Variants in ADAMTS14 observed in about 807,000 individuals in gnomAD.
ADAMTS14 encodes A disintegrin and metalloproteinase with thrombospondin motifs 14.
ADAMTS14 carries 100 observed loss-of-function variants against 128.6 expected under a neutral mutation model. The observed-to-expected ratio is 0.78, with a 90% CI of 0.66 to 0.92. The LOEUF (loss-of-function observed/expected upper bound fraction) is 0.92, where lower values mean the gene tolerates loss of function less well. ADAMTS14 is among the 40% of genes least tolerant of loss of function. The pLI, the probability that ADAMTS14 is intolerant of heterozygous loss-of-function variation, is 0.00. For missense variants in ADAMTS14, 1,562 were observed against 1,658.6 expected (o/e 0.94, Z 1.01); for synonymous variants, 665 against 653.8 (o/e 1.02, Z -0.26).
intron 19 of ADAMTS14, among the ~76,000 whole-genome samples, chr10:70,755,827 C>T (rs1347897722): frequency 2.0e-5 from 3 of 151,986 alleles, no homozygotes; most frequent in Admixed American, 6.6e-5. Flanking sequence ...CCAGCCTGGG[C>T]GACAAGAGCG....
chr10:70,754,082 G>A lies in ADAMTS14; in HGVS notation c.2937+75G>A, dbSNP rs555531823. The A allele has an allele frequency of 6.6e-6, 9 of 1,362,362 alleles. No individual in the cohort carries two copies. In the South Asian group the frequency reaches 1.0e-4, roughly 15 times the overall value. The allele number at this position is 1,362,362 out of a possible 1,614,324, so 84.4% of individuals were successfully genotyped here. A position where few individuals can be genotyped will look rare whatever the true frequency, so the allele number is the denominator to read the frequency against. On this transcript the variant is annotated intron_variant, in intron 19 of 21. Transcript: ENST00000373207. ...AGGGATTTTTTTGGTGTTCCCTGCA[G>A]GCAAGAGAGTTTCTGCCTGAATGGC...
Position 70,758,039 on chromosome 10 carries a change from C to A in ADAMTS14, c.3015C>A (p.Cys1005Ter), listed in dbSNP as rs750110829. 6.2e-7 allele frequency: 1 copy of A among 1,613,540 alleles called. No homozygotes were observed. The stretch of plus-strand genomic sequence containing the variant: ...CCAACGCCAACAGCCTCGGGCATTG[C>A]GAGGGGGATAGGCCAGACACTGTCC... The part of the protein sequence containing the change: ...CRTNANSLGH[C>*]EGDRPDTVQV... The change falls in exon 20 of 22, where the codon TGC becomes TGA. Residue 1005 changes from cysteine to a stop codon, truncating the protein, a stop_gained. Transcript: ENST00000373207. LOFTEE classifies it high-confidence loss of function.
At chr10:70,733,718 A>G (rs1487681347) in intron 7 of ADAMTS14, among the ~76,000 whole-genome samples, 167 bp from the exon 8 acceptor site, 1 of 152,172 alleles carries the variant, frequency 6.6e-6, no homozygotes, top group African/African-American at 2.4e-5. Flanking sequence ...GCAGCCTTGG[A>G]GAGAAGATTG....
rs1361655943 is a variant in ADAMTS14 at position 70,672,608 on chromosome 10, G to A, written c.-195G>A. ...CGGCAGCCTCGCGCGCCCGGAGCCA[G>A]CGGTCCAGGCGGCGGCGCCGCGCAG... On this transcript the variant is annotated 5_prime_UTR_variant, in exon 1 of 22. Transcript: ENST00000373207. Among the ~76,000 whole-genome samples, 2 of 151,714 alleles carry A rather than the reference G, an allele frequency of 1.3e-5. No individual in the cohort carries two copies. Among genetic ancestry groups the A allele is most frequent in the Non-Finnish European group, 2.9e-5 (2 of 67,872 alleles).
chr10:70,707,584 G>T (rs557945824), intron 3 of ADAMTS14, among the ~76,000 whole-genome samples: 1 of 152,168 alleles, frequency 6.6e-6, no homozygotes, highest in Non-Finnish European at 1.5e-5. Context: ...GACTGACAGC[G>T]CTCAAGTTGT....
At position 70,746,672 on chromosome 10, in the gene ADAMTS14, G is replaced by A. The variant is rs146762027; in HGVS notation, c.2263+1366G>A. On this transcript the variant is annotated intron_variant, in intron 15 of 21. Transcript: ENST00000373207. ...AAATAAAAAATAAACAATCAGCTAG[G>A]CGTGGTGGTGCATGCCTGTAGTCCT... 4.4e-3 allele frequency among the ~76,000 whole-genome samples: 674 copies of A among 152,340 alleles called. 1 individual carries two copies. The highest frequency in any genetic ancestry group is 0.013 in the African/African-American group (553 of 41,582).
At chr10:70,699,988 G>A (rs367838101) in intron 2 of ADAMTS14, among the ~76,000 whole-genome samples, 24 of 152,050 alleles carry the variant, frequency 1.6e-4, no homozygotes, top group African/African-American at 5.5e-4. Context: ...CTTGTTCCAG[G>A]GGCAGGAACA....
intron 2 of ADAMTS14, among the ~76,000 whole-genome samples, chr10:70,697,785 T>C (rs1840376480): frequency 1.4e-5 from 2 of 144,198 alleles, no homozygotes; most frequent in Admixed American, 1.4e-4. Flanking sequence ...TGAGGGGCTT[T>C]CCCTGAGGGG....
intron 2 of ADAMTS14, among the ~76,000 whole-genome samples, chr10:70,699,658 C>A (rs1470822972): frequency 1.3e-5 from 2 of 152,288 alleles, no homozygotes; most frequent in South Asian, 2.1e-4. Flanking sequence ...AAACTGTATC[C>A]CTCATATGAG....
chr10:70,744,013 G>A, intron 13 of ADAMTS14, 53 bp from the exon 14 acceptor site: 1 of 1,538,908 alleles, frequency 6.5e-7, no homozygotes. Context: ...GAGCCCCGGG[G>A]TGGCGGTGGG....
In ADAMTS14 at chr10:70,753,814, A is replaced by G. The variant is rs1329526343; in HGVS notation, c.2744A>G (p.Glu915Gly). The G allele has an allele frequency of 1.9e-6, 3 of 1,583,162 alleles. No individual in the cohort carries two copies. The highest frequency in any genetic ancestry group is 1.2e-5 in the South Asian group (1 of 86,046). Residue 915 changes from glutamate to glycine, a missense_variant, in exon 19 of 22, where the codon GAG (glutamate) becomes GGG (glycine). Glu to Gly is a moderately conservative substitution (Grantham distance 98). Coordinates refer to ENST00000373207, the MANE Select transcript of ADAMTS14 (RefSeq NM_080722.4). ...PCSQPVWVTE[E>G]WGACSRSCGK... is the part of the protein sequence containing the mutation. ...CCTGTTTCCAGGTGGGTGACGGAGGAGTGGGGTGCCTGCAGCCGGAGCTGT... is the reference window on the plus strand; with the variant it reads ...CCTGTTTCCAGGTGGGTGACGGAGGGGTGGGGTGCCTGCAGCCGGAGCTGT...
intron 9 of ADAMTS14, among the ~76,000 whole-genome samples, chr10:70,735,688 C>A (rs1176282979): frequency 6.6e-6 from 1 of 152,222 alleles, no homozygotes; most frequent in East Asian, 1.9e-4. Flanking sequence ...ACCTTCTGCA[C>A]CTGCACATCA....
At position 70,674,838 on chromosome 10, in the gene ADAMTS14, G is replaced by A. The variant is rs145276866; in HGVS notation, c.365G>A (p.Arg122Gln). 3.5e-5 allele frequency: 56 copies of A among 1,613,814 alleles called. No individual in the cohort carries two copies. The highest frequency in any genetic ancestry group is 3.5e-4 in the African/African-American group (26 of 74,944). ...GGGAAGGAACTGCACTTGCGCCTGC[G>A]GCCCAATCGGAGGTTGGTAGTGCCA... is the stretch of plus-strand genomic sequence containing the variant. ...VFGKELHLRL[R>Q]PNRRLVVPGS... The change falls in exon 2 of 22, where the codon CGG becomes CAG. Residue 122 changes from arginine to glutamine, a missense_variant. Transcript: ENST00000373207.
chr10:70,726,555 T>G lies in ADAMTS14; in HGVS notation c.871-2739T>G, dbSNP rs1310169999. Among the ~76,000 whole-genome samples, 5 of 152,208 alleles carry G rather than the reference T, an allele frequency of 3.3e-5. No individual in the cohort carries two copies. In the East Asian group the frequency reaches 9.6e-4, roughly 29 times the overall value. ...GGCTGTGCAGAGCGTGCATTGCCTG[T>G]GATCCTGTCCTTAGTCTGCTTATAG... On this transcript the variant is annotated intron_variant, in intron 4 of 21. Transcript: ENST00000373207.
intron 2 of ADAMTS14, among the ~76,000 whole-genome samples, chr10:70,685,275 C>T (rs1749131698): frequency 6.6e-6 from 1 of 152,202 alleles, no homozygotes; most frequent in Admixed American, 6.5e-5. Flanking sequence ...CCACCAGGCC[C>T]AGCATTCCAT....
At chr10:70,717,836 T>C (rs941125161) in intron 4 of ADAMTS14, among the ~76,000 whole-genome samples, 1 of 152,186 alleles carries the variant, frequency 6.6e-6, no homozygotes, top group Non-Finnish European at 1.5e-5. Flanking sequence ...CTCCCCACCC[T>C]GCCCCACCTG....
intron 19 of ADAMTS14, among the ~76,000 whole-genome samples, chr10:70,754,995 G>A (rs1046649957): frequency 7.2e-5 from 11 of 152,174 alleles, no homozygotes; most frequent in Admixed American, 6.5e-4. Context: ...AGTAAAACAA[G>A]CCAAGCTGGA....
rs776328715 is a variant in ADAMTS14, at chr10:70,702,411, C to T, written c.622C>T (p.Arg208Cys). 17 of 1,613,692 alleles carry T rather than the reference C, an allele frequency of 1.1e-5. No homozygotes were observed. Among genetic ancestry groups the T allele is most frequent in the African/African-American group, 6.7e-5 (5 of 74,890 alleles). Residue 208 changes from arginine (R) to cysteine (C), a missense_variant, in exon 3 of 22, where the codon CGC becomes TGC. Arg to Cys is a radical substitution (Grantham distance 180). Transcript: ENST00000373207. The part of the protein sequence containing the change: ...EASGRTHVVY[R>C]REAVQQEWAE... ...CAGCGGGAGGACACATGTGGTGTAC[C>T]GCCGGGAGGCCGTCCAGCAGGAGTG...
At chr10:70,714,613 T>C (rs1379714634) in intron 4 of ADAMTS14, among the ~76,000 whole-genome samples, 1 of 152,136 alleles carries the variant, frequency 6.6e-6, no homozygotes, top group East Asian at 1.9e-4. Context: ...GTTCCTTGTA[T>C]ATAGGGGTGC....
Sources: allele counts gnomAD v4.1 joint callset (sites outside exome capture counted in the v4.1 genomes callset), GRCh38; gene constraint gnomAD v4.1.1; transcripts MANE v1.5; gene names NCBI Gene and HGNC (gene_info 2026-07-23, HGNC 2026-07-21).